DCUN1D5: variants seen among roughly 807,000 people sequenced by gnomAD.
The protein encoded by DCUN1D5 is defective in cullin neddylation 1 domain containing 5.
Under a neutral mutation model 38.3 loss-of-function variants are expected in DCUN1D5, and 10 were observed. That is an observed-to-expected ratio of 0.26 (90% CI 0.16 to 0.44). DCUN1D5 has a LOEUF of 0.44. Ranked by LOEUF, DCUN1D5 falls within the 20% of genes least tolerant of loss-of-function variation. DCUN1D5 has a pLI of 1.00. For synonymous variants in DCUN1D5, 93 were observed against 90.9 expected (o/e 1.02, Z -0.13); for missense variants, 148 against 275.3 (o/e 0.54, Z 3.27).
At position 103,064,738 on chromosome 11, in the gene DCUN1D5, A is replaced by T. The variant is rs1033893519; in HGVS notation, c.556-361T>A. Among the ~76,000 whole-genome samples the T allele has an allele frequency of 6.6e-6, 1 of 152,172 alleles. No homozygotes were observed. The highest frequency in any genetic ancestry group is 6.5e-5 in the Admixed American group (1 of 15,280). On this transcript the variant is annotated intron_variant, in intron 6 of 7. Coordinates refer to ENST00000260247, the MANE Select transcript of DCUN1D5 (RefSeq NM_032299.4). This position sits in a 1 kb window ranked among gnomAD's most constrained non-coding sequence, Gnocchi z 4.5. ...TTCCTAGTAAATCATTTCTTTGCTC[A>T]AGATTTACTGTTTAGCCACATTTTG...
chr11:103,074,545 A>G (rs1207844389), intron 4 of DCUN1D5, among the ~76,000 whole-genome samples: 1 of 152,158 alleles, frequency 6.6e-6, no homozygotes, highest in Non-Finnish European at 1.5e-5. Context: ...AGCTGGGACT[A>G]TGGGCGTGCA....
chr11:103,070,069 G>A lies in DCUN1D5; in HGVS notation c.342-3502C>T, dbSNP rs1862233345. Among the ~76,000 whole-genome samples the A allele has an allele frequency of 2.1e-5, 3 of 144,248 alleles. No individual in the cohort carries two copies. In the South Asian group the frequency reaches 6.6e-4, roughly 32 times the overall value. 94.6% of individuals were successfully genotyped at this position (144,248 alleles called of 152,430 possible). On this transcript the variant is annotated intron_variant, in intron 4 of 7. Coordinates refer to ENST00000260247, the MANE Select transcript of DCUN1D5 (RefSeq NM_032299.4). The stretch of plus-strand genomic sequence containing the variant: ...AGCTATCACACAAATGCTTCAACAA[G>A]TAATTAAAAACGTAATAGAAAAATG...
chr11:103,079,961 T>C (rs180935714), intron 4 of DCUN1D5: 1 of 152,260 alleles, frequency 6.6e-6, no homozygotes, highest in Non-Finnish European at 1.5e-5. Flanking sequence ...ACAAATTCTT[T>C]CACACAAAAA....
intron 4 of DCUN1D5, chr11:103,079,782 C>CA (rs199623565): frequency 0.043 from 5,163 of 119,914 alleles, 288 homozygotes; most frequent in African/African-American, 0.14. Context: ...GACCCTGTCT[C>CA]AAAAAAAAAA....
Position 103,078,166 on chromosome 11 carries a change from A to T in DCUN1D5, c.341+4582T>A, listed in dbSNP as rs1374040820. Among the ~76,000 whole-genome samples the T allele has an allele frequency of 6.6e-6, 1 of 152,214 alleles. No individual in the cohort carries two copies. The highest frequency in any genetic ancestry group is 1.5e-5 in the Non-Finnish European group (1 of 68,038). On this transcript the variant is annotated intron_variant, in intron 4 of 7. Coordinates refer to ENST00000260247, the MANE Select transcript of DCUN1D5 (RefSeq NM_032299.4). This position sits in a 1 kb window ranked among gnomAD's most constrained non-coding sequence, Gnocchi z 4.6. ...CAGCTTAATTACTATCACTGTTGTC[A>T]GATGCTCTTGTCTTGTCCTTTTCAT...
In DCUN1D5 at chr11:103,071,200, G is replaced by C. The variant is rs1565287537; in HGVS notation, c.342-4633C>G. Among the ~76,000 whole-genome samples the C allele has an allele frequency of 6.6e-6, 1 of 151,974 alleles. No individual in the cohort carries two copies. Among genetic ancestry groups the C allele is most frequent in the Non-Finnish European group, 1.5e-5 (1 of 67,940 alleles). ...AAACCAAACAGGACAAAGTAAATAA[G>C]AGCAGAAACTGCTGAAATTGAAAAC... is the stretch of plus-strand genomic sequence containing the variant. On this transcript the variant is annotated intron_variant, in intron 4 of 7. Coordinates refer to ENST00000260247, the MANE Select transcript of DCUN1D5 (RefSeq NM_032299.4). The surrounding 1 kb of genome is among the most constrained non-coding windows in gnomAD (Gnocchi z 4.1).
intron 1 of DCUN1D5, among the ~76,000 whole-genome samples, chr11:103,090,494 A>G (rs1365228770): frequency 6.6e-6 from 1 of 152,202 alleles, no homozygotes; most frequent in Non-Finnish European, 1.5e-5. Flanking sequence ...CTCTTTAAGG[A>G]GAGCTCTATC....
Position 103,052,912 on chromosome 11 carries a change from T to G in DCUN1D5, c.*9447A>C, listed in dbSNP as rs545116664. The G allele has an allele frequency of 6.6e-6, 1 of 152,312 alleles. No homozygotes were observed. The highest frequency in any genetic ancestry group is 2.1e-4 in the South Asian group (1 of 4,824). The allele number at this position is 152,312 out of a possible 1,614,324, so 9.4% of individuals were successfully genotyped here. On this transcript the variant is annotated 3_prime_UTR_variant, in exon 8 of 8. Transcript: ENST00000260247. The stretch of plus-strand genomic sequence containing the variant: ...AAGTAGTGGTTTTTAAAACCTGCTA[T>G]TCAGAGAGCAAGGAGTTCCTTTGAG...
rs1210756774 is a variant in DCUN1D5, at chr11:103,066,223, T to A, written c.555+46A>T. 1 of 1,237,970 alleles carries A rather than the reference T, an allele frequency of 8.1e-7. No individual in the cohort carries two copies. The highest frequency in any genetic ancestry group is 1.1e-6 in the Non-Finnish European group (1 of 885,710). 76.7% of individuals were successfully genotyped at this position (1,237,970 alleles called of 1,614,324 possible). A position where few individuals can be genotyped will look rare whatever the true frequency, so the allele number is the denominator to read the frequency against. On this transcript the variant is annotated intron_variant, in intron 6 of 7. Coordinates refer to ENST00000260247, the MANE Select transcript of DCUN1D5 (RefSeq NM_032299.4). The surrounding 1 kb of genome is among the most constrained non-coding windows in gnomAD (Gnocchi z 4.7). ...GTTCCTCAAAAGTATAACTTTCAGA[T>A]TAAGTTTTAAAATAATATTTTCAAA...
At chr11:103,068,033 T>C (rs1407426109) in intron 4 of DCUN1D5, among the ~76,000 whole-genome samples, 1 of 152,178 alleles carries the variant, frequency 6.6e-6, no homozygotes, top group African/African-American at 2.4e-5. Flanking sequence ...CATAGGGCCA[T>C]TCAGATTTTC....
chr11:103,089,616 G>A (rs1862802933), intron 1 of DCUN1D5, among the ~76,000 whole-genome samples: 2 of 152,082 alleles, frequency 1.3e-5, no homozygotes, highest in Admixed American at 1.3e-4. Context: ...CCTAGTAGGT[G>A]GGAAAGTATA....
chr11:103,062,929 G>A lies in DCUN1D5; in HGVS notation c.659-515C>T, dbSNP rs548595953. Among the ~76,000 whole-genome samples the A allele has an allele frequency of 5.9e-5, 9 of 152,120 alleles. No homozygotes were observed. Among genetic ancestry groups the A allele is most frequent in the Admixed American group, 6.5e-5 (1 of 15,278 alleles). On this transcript the variant is annotated intron_variant, in intron 7 of 7. Transcript: ENST00000260247. The surrounding 1 kb of genome is among the most constrained non-coding windows in gnomAD (Gnocchi z 4.6). ...ATTCTAAAACATATATTTTTATAAC[G>A]TAGGGGAGGTCCAAACTCATTTGCT...
rs1861839061 is a variant in DCUN1D5 at position 103,054,998 on chromosome 11, TTTC to T, written c.*7358_*7360del. ...TGCTTGGGACCGGAAGTGTTTTAGA[TTTC>T]TTTTTTTTGATCTTTGAATATTTGC... On this transcript the variant is annotated 3_prime_UTR_variant, in exon 8 of 8. Transcript: ENST00000260247. 2 of 152,142 alleles carry T rather than the reference TTTC, an allele frequency of 1.3e-5. No individual in the cohort carries two copies. The highest frequency in any genetic ancestry group is 2.4e-5 in the African/African-American group (1 of 41,434). The allele number at this position is 152,142 out of a possible 1,614,324, so 9.4% of individuals were successfully genotyped here.
rs1039990498 is a variant in DCUN1D5 at position 103,078,207 on chromosome 11, C to T, written c.341+4541G>A. Among the ~76,000 whole-genome samples the T allele has an allele frequency of 1.3e-5, 2 of 152,104 alleles. No homozygotes were observed. Among genetic ancestry groups the T allele is most frequent in the South Asian group, 2.1e-4 (1 of 4,820 alleles). ...TCCTTTTCATTATCATAATCAAGTA[C>T]GGTCCTCTTCAAAGGTCTATATTCA... On this transcript the variant is annotated intron_variant, in intron 4 of 7. Coordinates refer to ENST00000260247, the MANE Select transcript of DCUN1D5 (RefSeq NM_032299.4). The surrounding 1 kb of genome is among the most constrained non-coding windows in gnomAD (Gnocchi z 4.6).
chr11:103,051,523 T>C lies in DCUN1D5; in HGVS notation c.*10836A>G, dbSNP rs376073310. 33 of 83,552 alleles carry C rather than the reference T, an allele frequency of 3.9e-4. No individual in the cohort carries two copies. Among genetic ancestry groups the C allele is most frequent in the African/African-American group, 1.7e-3 (32 of 18,350 alleles). The allele number at this position is 83,552 out of a possible 1,614,324, so 5.2% of individuals were successfully genotyped here. A position where few individuals can be genotyped will look rare whatever the true frequency, so the allele number is the denominator to read the frequency against. On this transcript the variant is annotated 3_prime_UTR_variant, in exon 8 of 8. Transcript: ENST00000260247. Reference sequence around the variant, plus strand: ...ACTTCCCCCCCCCCCCCGCCACCCCTGTGTTAACAGGTTTACTGGCAGATG... The same window carrying C: ...ACTTCCCCCCCCCCCCCGCCACCCCCGTGTTAACAGGTTTACTGGCAGATG...
chr11:103,081,779 T>C (rs973626421), intron 4 of DCUN1D5, among the ~76,000 whole-genome samples: 8 of 152,154 alleles, frequency 5.3e-5, no homozygotes, highest in African/African-American at 1.7e-4. Flanking sequence ...ATATATAAAA[T>C]ATCCACGTGT....
chr11:103,085,895 A>G (rs1862693432), intron 2 of DCUN1D5, among the ~76,000 whole-genome samples: 1 of 152,042 alleles, frequency 6.6e-6, no homozygotes, highest in Non-Finnish European at 1.5e-5. Context: ...TTATTTTTTG[A>G]CTCTATGAGA....
Position 103,062,191 on chromosome 11 carries a change from C to T in DCUN1D5, c.*168G>A, listed in dbSNP as rs2134598942. On this transcript the variant is annotated 3_prime_UTR_variant, in exon 8 of 8. Transcript: ENST00000260247. The surrounding 1 kb of genome is among the most constrained non-coding windows in gnomAD (Gnocchi z 4.6). ...TCTAAGAAGAGGTGTGGCTCAATGCCCATCACATGTAACAAGAAAAACCTC... is the reference window on the plus strand; with the variant it reads ...TCTAAGAAGAGGTGTGGCTCAATGCTCATCACATGTAACAAGAAAAACCTC... 1.6e-6 allele frequency: 1 copy of T among 613,008 alleles called. No individual in the cohort carries two copies. Among genetic ancestry groups the T allele is most frequent in the East Asian group, 2.8e-5 (1 of 35,766 alleles). 38.0% of individuals were successfully genotyped at this position (613,008 alleles called of 1,614,324 possible).
intron 4 of DCUN1D5, among the ~76,000 whole-genome samples, chr11:103,082,381 C>T (rs1862587834): frequency 6.6e-6 from 1 of 152,046 alleles, no homozygotes; most frequent in Non-Finnish European, 1.5e-5. Context: ...GGCCCTAGAG[C>T]TTAGGGCTGC....
Sources: gnomAD v4.1 joint callset for allele counts (sites outside exome capture counted in the v4.1 genomes callset) on GRCh38, gnomAD v4.1.1 for gene constraint, Gnocchi (gnomAD v3.1) non-coding constraint, MANE v1.5 for transcripts, NCBI Gene and HGNC (gene_info 2026-07-23, HGNC 2026-07-21) for gene names.